Variants in CCDC85A observed in about 807,000 individuals in gnomAD.
The protein encoded by CCDC85A is coiled-coil domain containing 85A, also known as coiled-coil domain-containing protein 85A.
Under a neutral mutation model 50.2 loss-of-function variants are expected in CCDC85A, and 38 were observed. The observed-to-expected ratio is 0.76, with a 90% CI of 0.58 to 0.99. CCDC85A has a LOEUF of 0.99. CCDC85A is among the 50% of genes least tolerant of loss of function. The pLI, the probability that CCDC85A is intolerant of heterozygous loss-of-function variation, is 0.00. For synonymous variants in CCDC85A, 366 were observed against 301.4 expected (o/e 1.21, Z -2.22); for missense variants, 820 against 742.0 (o/e 1.11, Z -1.22).
At chr2:56,359,723 C>T (rs1399461108) in intron 3 of CCDC85A, among the ~76,000 whole-genome samples, 1 of 152,144 alleles carries the variant, frequency 6.6e-6, no homozygotes, top group African/African-American at 2.4e-5. Context: ...AAAGGAGAAA[C>T]TTGCAGAAAA....
Position 56,192,884 on chromosome 2 carries a change from C to T in CCDC85A, c.684C>T (p.His228=), listed in dbSNP as rs746850996. ...ACAGCCCGGACCACCACAAGCACCA[C>T]GCGAGCAGTGGCAGCCCGGAGCACC... The part of the protein sequence containing the change: ...STDSPDHHKH[H]ASSGSPEHLQ... Residue 228 remains histidine (H), a synonymous_variant, in exon 2 of 6, where the codon CAC becomes CAT. Coordinates refer to ENST00000407595, the MANE Select transcript of CCDC85A (RefSeq NM_001080433.2). The surrounding 1 kb of genome is among the most constrained non-coding windows in gnomAD (Gnocchi z 4.7). 5 of 1,613,042 alleles carry T rather than the reference C, an allele frequency of 3.1e-6. No individual in the cohort carries two copies. The East Asian group carries it at 1.1e-4, about 36-fold the overall frequency.
At chr2:56,382,260 A>T (rs11888937) in intron 5 of CCDC85A, among the ~76,000 whole-genome samples, 14,565 of 152,008 alleles carry the variant, frequency 0.096, 914 homozygotes, top group African/African-American at 0.18. Flanking sequence ...TGCCTTTATA[A>T]TAATGTCACA....
chr2:56,249,393 G>C (rs1055509928), intron 2 of CCDC85A, among the ~76,000 whole-genome samples: 1 of 152,244 alleles, frequency 6.6e-6, no homozygotes, highest in African/African-American at 2.4e-5. Flanking sequence ...CTAGAAGGCA[G>C]GGAAGCTGGT....
chr2:56,342,896 G>A lies in CCDC85A; in HGVS notation c.1258G>A (p.Val420Ile). The change falls in exon 3 of 6, where the codon GTT becomes ATT. Residue 420 changes from valine (V) to isoleucine (I), a missense_variant. Coordinates refer to ENST00000407595, the MANE Select transcript of CCDC85A (RefSeq NM_001080433.2). ...AATTTTAGAATCAACCTTGTCCTAT[G>A]TTAGGCAGCTGGAGGCAAGAGTAAG... ...SGMNESTLSY[V>I]RQLEARVRQL... 5.7e-6 allele frequency: 9 copies of A among 1,592,534 alleles called. No homozygotes were observed. The highest frequency in any genetic ancestry group is 7.7e-6 in the Non-Finnish European group (9 of 1,168,412).
At chr2:56,305,894 C>T (rs912963155) in intron 2 of CCDC85A, among the ~76,000 whole-genome samples, 23 of 152,266 alleles carry the variant, frequency 1.5e-4, no homozygotes, top group Non-Finnish European at 1.5e-4. Context: ...ACATTAGGTA[C>T]CCAAAGTGAC....
At chr2:56,336,368 G>C (rs568380173) in intron 2 of CCDC85A, among the ~76,000 whole-genome samples, 1 of 152,016 alleles carries the variant, frequency 6.6e-6, no homozygotes, top group East Asian at 1.9e-4. Context: ...TGTCAAGGCT[G>C]ATCTCGAACT....
chr2:56,206,885 G>GT (rs1208323956), intron 2 of CCDC85A, among the ~76,000 whole-genome samples: 1 of 152,126 alleles, frequency 6.6e-6, no homozygotes, highest in African/African-American at 2.4e-5. Flanking sequence ...TTACTGGAGA[G>GT]TTTTTGCAAT....
At chr2:56,338,626 T>G (rs988240651) in intron 2 of CCDC85A, among the ~76,000 whole-genome samples, 1 of 152,190 alleles carries the variant, frequency 6.6e-6, no homozygotes, top group Non-Finnish European at 1.5e-5. Context: ...ATTTAAAATA[T>G]AGCTTACATT....
chr2:56,222,607 C>T (rs17190121), intron 2 of CCDC85A, among the ~76,000 whole-genome samples: 3,076 of 152,148 alleles, frequency 0.02, 51 homozygotes, highest in South Asian at 0.047. Context: ...CATGGGTAAT[C>T]GAGCCATGGA....
intron 5 of CCDC85A, chr2:56,379,812 T>C: frequency 2.0e-6 from 2 of 984,360 alleles, no homozygotes; most frequent in Non-Finnish European, 2.4e-6. Context: ...ATGACCTTAG[T>C]GAGACAGAAA....
rs755785932 is a variant in CCDC85A, at chr2:56,203,690, C to A, written c.1240+10250C>A. On this transcript the variant is annotated intron_variant, in intron 2 of 5. Coordinates refer to ENST00000407595, the MANE Select transcript of CCDC85A (RefSeq NM_001080433.2). ...TTTCGAGTATCCCTGTGGACTTTCA[C>A]CCATATGTTAAGGTAATATGTGGTT... Among the ~76,000 whole-genome samples, 6 of 152,204 alleles carry A rather than the reference C, an allele frequency of 3.9e-5. No individual in the cohort carries two copies. The South Asian group carries it at 1.2e-3, about 32-fold the overall frequency.
intron 2 of CCDC85A, among the ~76,000 whole-genome samples, chr2:56,209,016 A>G (rs1248249291): frequency 6.6e-6 from 1 of 152,120 alleles, no homozygotes. Flanking sequence ...CAAGCAGCCC[A>G]AAAGGAAAGG....
intron 2 of CCDC85A, among the ~76,000 whole-genome samples, chr2:56,326,421 G>A (rs868800925): frequency 5.9e-5 from 9 of 152,108 alleles, no homozygotes; most frequent in Non-Finnish European, 1.0e-4. Context: ...TGACTAGTCT[G>A]TTGTTGCCTA....
intron 2 of CCDC85A, among the ~76,000 whole-genome samples, chr2:56,313,666 A>G (rs1672793442): frequency 6.6e-6 from 1 of 152,142 alleles, no homozygotes; most frequent in South Asian, 2.1e-4. Context: ...GGAATTGCCT[A>G]TGGACTTTAC....
rs73940630 is a variant in CCDC85A at position 56,212,463 on chromosome 2, G to A, written c.1240+19023G>A. 4.1e-3 allele frequency among the ~76,000 whole-genome samples: 629 copies of A among 152,038 alleles called. 6 individuals are homozygous for A. Among genetic ancestry groups the A allele is most frequent in the African/African-American group, 0.015 (609 of 41,490 alleles). ...TCAGAGTATTCATAATGGGAGAGAG[G>A]ACCCTTTGGCTTTGTAGTTGACAGG... On this transcript the variant is annotated intron_variant, in intron 2 of 5. Coordinates refer to ENST00000407595, the MANE Select transcript of CCDC85A (RefSeq NM_001080433.2).
intron 2 of CCDC85A, among the ~76,000 whole-genome samples, chr2:56,204,760 CTA>C (rs1331482490): frequency 6.6e-6 from 1 of 152,168 alleles, no homozygotes; most frequent in Non-Finnish European, 1.5e-5. Flanking sequence ...ATGGCATGAC[CTA>C]TAAAGAACCA....
chr2:56,197,094 G>A (rs1007475667), intron 2 of CCDC85A, among the ~76,000 whole-genome samples: 2 of 152,178 alleles, frequency 1.3e-5, no homozygotes, highest in African/African-American at 4.8e-5. Flanking sequence ...TGTCAGGGTT[G>A]TAAGTCTTCC....
chr2:56,330,746 C>A (rs777584602), intron 2 of CCDC85A, among the ~76,000 whole-genome samples: 3 of 152,146 alleles, frequency 2.0e-5, no homozygotes, highest in Non-Finnish European at 4.4e-5. Flanking sequence ...AAACTCTTTC[C>A]TTTGGGAACA....
At chr2:56,184,940 A>G in intron 1 of CCDC85A, 40 bp downstream of exon 1, 1 of 1,449,798 alleles carries the variant, frequency 6.9e-7, no homozygotes, top group Non-Finnish European at 9.0e-7. Flanking sequence ...CGCGGCTGGG[A>G]GCGGGGTGCC....
Sources: gnomAD v4.1 joint callset for allele counts (sites outside exome capture counted in the v4.1 genomes callset) on GRCh38, gnomAD v4.1.1 for gene constraint, Gnocchi (gnomAD v3.1) non-coding constraint, MANE v1.5 for transcripts, NCBI Gene and HGNC (gene_info 2026-07-23, HGNC 2026-07-21) for gene names.